The following SUSD6 variants were observed in gnomAD, a reference collection of about 807,000 sequenced individuals.
SUSD6 encodes the protein sushi domain containing 6, also known as sushi domain-containing protein 6.
Under a neutral mutation model 28.4 loss-of-function variants are expected in SUSD6, and 16 were observed. The observed-to-expected ratio is 0.56, with a 90% confidence interval of 0.38 to 0.86. The LOEUF (loss-of-function observed/expected upper bound fraction) is 0.86. Among genes scored for constraint, SUSD6 ranks in the 40% least tolerant of loss-of-function variants. SUSD6 has a pLI of 0.00. For synonymous variants in SUSD6, 147 were observed against 159.6 expected (o/e 0.92, Z 0.59); for missense variants, 341 against 384.2 (o/e 0.89, Z 0.94).
At position 69,656,693 on chromosome 14, in the gene SUSD6, C is replaced by CT. The variant is rs1885588263; in HGVS notation, c.-80-1819dup. On this transcript the variant is annotated intron_variant, in intron 1 of 5. Transcript: ENST00000342745. ...TTGTCTATCCTAATCCTTACATCAA[C>CT]TCTACGAAGTTAGTATGGTTACTAT... Among the ~76,000 whole-genome samples, 3 of 152,228 alleles carry CT rather than the reference C, an allele frequency of 2.0e-5. No individual in the cohort carries two copies. The South Asian group carries it at 6.2e-4, about 32-fold the overall frequency.
In SUSD6 at chr14:69,703,425, G is replaced by T; in HGVS notation, c.152G>T (p.Gly51Val). ...CCCCTACCACCGGAGCCAGAGAATGGTGGCTACATCTGCCACCCCCGGCCC... is the reference window on the plus strand; with the variant it reads ...CCCCTACCACCGGAGCCAGAGAATGTTGGCTACATCTGCCACCCCCGGCCC... ...VCPLPPEPEN[G>V]GYICHPRPCR... Residue 51 changes from glycine to valine, a missense_variant, in exon 3 of 6, where the codon GGT becomes GTT. Physicochemically the swap from Gly to Val is moderately radical, Grantham distance 109 (BLOSUM62 -3). Transcript: ENST00000342745. The T allele has an allele frequency of 6.2e-7, 1 of 1,614,074 alleles. No homozygotes were observed. Among genetic ancestry groups the T allele is most frequent in the Non-Finnish European group, 8.5e-7 (1 of 1,179,990 alleles).
At chr14:69,707,560 A>T (rs185160421) in intron 4 of SUSD6, among the ~76,000 whole-genome samples, 1 of 152,212 alleles carries the variant, frequency 6.6e-6, no homozygotes, top group Non-Finnish European at 1.5e-5. Context: ...GTTCAAGACC[A>T]GCCTGGGCAA....
rs1290573522 is a variant in SUSD6, at chr14:69,713,144, G to A, written c.*2165G>A. The A allele has an allele frequency of 6.6e-6, 1 of 152,112 alleles. No homozygotes were observed. Among genetic ancestry groups the A allele is most frequent in the Non-Finnish European group, 1.5e-5 (1 of 68,012 alleles). The allele number at this position is 152,112 out of a possible 1,614,324, so 9.4% of individuals were successfully genotyped here. On this transcript the variant is annotated 3_prime_UTR_variant, in exon 6 of 6. Coordinates refer to ENST00000342745, the MANE Select transcript of SUSD6 (RefSeq NM_014734.4). ...GGAAGATCTTACCTTTTTCTATCTT[G>A]TTACTCTGGGGTTTTGTCCCCCTAA...
chr14:69,703,885 T>G (rs1302992553), intron 3 of SUSD6: 1 of 485,520 alleles, frequency 2.1e-6, no homozygotes, highest in Non-Finnish European at 3.8e-6. Context: ...GACCATGTTC[T>G]GCCCTCACAG....
rs571828359 is a variant in SUSD6, at chr14:69,713,732, A to G, written c.*2753A>G. 6.6e-6 allele frequency: 1 copy of G among 152,136 alleles called. No homozygotes were observed. The allele number at this position is 152,136 out of a possible 1,614,324, so 9.4% of individuals were successfully genotyped here. ...GCCACAGCCCTGCTTTACCGGGCTC[A>G]CCTCTAGGGCATTCCAGCAAGAGGC... On this transcript the variant is annotated 3_prime_UTR_variant, in exon 6 of 6. Transcript: ENST00000342745.
At chr14:69,621,020 G>C (rs926093309) in intron 1 of SUSD6, among the ~76,000 whole-genome samples, 1 of 152,158 alleles carries the variant, frequency 6.6e-6, no homozygotes, top group African/African-American at 2.4e-5. Flanking sequence ...GCTGGGGACA[G>C]TAAAGGACCT....
At chr14:69,672,213 A>G (rs1211412503) in intron 2 of SUSD6, among the ~76,000 whole-genome samples, 1 of 152,204 alleles carries the variant, frequency 6.6e-6, no homozygotes, top group African/African-American at 2.4e-5. Flanking sequence ...CTTGAAGCCC[A>G]AACCTATGGA....
intron 1 of SUSD6, among the ~76,000 whole-genome samples, chr14:69,630,053 T>G (rs188634546): frequency 1.9e-3 from 285 of 152,354 alleles, no homozygotes; most frequent in Non-Finnish European, 8.4e-4. Context: ...TTCTTCAGTA[T>G]TACTAGGCAG....
intron 1 of SUSD6, among the ~76,000 whole-genome samples, chr14:69,645,194 A>C (rs963470458): frequency 2.6e-5 from 4 of 152,180 alleles, no homozygotes; most frequent in African/African-American, 9.7e-5. Context: ...TGGGGCTGTT[A>C]AGCTTCATTA....
intron 1 of SUSD6, among the ~76,000 whole-genome samples, chr14:69,652,691 T>G (rs996306800): frequency 2.0e-5 from 3 of 152,146 alleles, no homozygotes; most frequent in African/African-American, 7.2e-5. Flanking sequence ...CCTGGCTGTT[T>G]CCTGGCTGGC....
intron 2 of SUSD6, among the ~76,000 whole-genome samples, chr14:69,685,403 C>A (rs1886058797): frequency 6.6e-6 from 1 of 152,196 alleles, no homozygotes; most frequent in Non-Finnish European, 1.5e-5. Flanking sequence ...GCCCTGATTG[C>A]ACATTTGACA....
At chr14:69,653,523 C>T (rs1357824187) in intron 1 of SUSD6, among the ~76,000 whole-genome samples, 2 of 152,164 alleles carry the variant, frequency 1.3e-5, no homozygotes, top group Non-Finnish European at 2.9e-5. Context: ...GCCCTCTCCT[C>T]TGTCTCAGCT....
intron 1 of SUSD6, among the ~76,000 whole-genome samples, chr14:69,616,267 T>TG (rs1032209835): frequency 2.6e-5 from 4 of 152,336 alleles, no homozygotes; most frequent in African/African-American, 9.6e-5. Flanking sequence ...TCCCCTTTCT[T>TG]GCTACCCTTT....
rs546339602 is a variant in SUSD6, at chr14:69,701,444, C to T, written c.122-1951C>T. Among the ~76,000 whole-genome samples the T allele has an allele frequency of 2.8e-3, 419 of 152,206 alleles. 4 individuals carry two copies. The highest frequency in any genetic ancestry group is 4.0e-3 in the Non-Finnish European group (274 of 68,016). On this transcript the variant is annotated intron_variant, in intron 2 of 5. Coordinates refer to ENST00000342745, the MANE Select transcript of SUSD6 (RefSeq NM_014734.4). ...GCATTAATTATGCCACGGAAATGAA[C>T]CAATTAGACACAGTCCAAGGAGAGC...
At chr14:69,621,848 G>A (rs936283281) in intron 1 of SUSD6, among the ~76,000 whole-genome samples, 3 of 152,122 alleles carry the variant, frequency 2.0e-5, no homozygotes, top group African/African-American at 7.2e-5. Context: ...AAAGCACATC[G>A]TTGAAAGAAG....
chr14:69,626,206 G>C (rs1337315341), intron 1 of SUSD6, among the ~76,000 whole-genome samples: 1 of 152,214 alleles, frequency 6.6e-6, no homozygotes, highest in African/African-American at 2.4e-5. Flanking sequence ...GGCCAGAGCT[G>C]ATTAAGCCCC....
intron 1 of SUSD6, among the ~76,000 whole-genome samples, chr14:69,627,716 G>A (rs914088195): frequency 2.1e-4 from 32 of 152,056 alleles, no homozygotes; most frequent in Admixed American, 5.9e-4. Context: ...CGCCTGCCTC[G>A]GCCTCCCAAA....
At chr14:69,676,910 A>G (rs915200479) in intron 2 of SUSD6, among the ~76,000 whole-genome samples, 13 of 152,232 alleles carry the variant, frequency 8.5e-5, no homozygotes, top group Non-Finnish European at 1.8e-4. Context: ...TTGGTCAGTC[A>G]GCTGCTCCCG....
At position 69,655,609 on chromosome 14, in the gene SUSD6, C is replaced by T. The variant is rs116354798; in HGVS notation, c.-80-2904C>T. On this transcript the variant is annotated intron_variant, in intron 1 of 5. Transcript: ENST00000342745. ...GCCAGAAGTTTGAGAGCAGCCTGGG[C>T]GACATAGTGAGACATCCTCTCTCTT... 3.1e-3 allele frequency among the ~76,000 whole-genome samples: 464 copies of T among 150,832 alleles called. 2 individuals are homozygous for T. Among genetic ancestry groups the T allele is most frequent in the African/African-American group, 0.011 (431 of 40,988 alleles).
Sources: gnomAD v4.1 joint callset for allele counts (sites outside exome capture counted in the v4.1 genomes callset) on GRCh38, gnomAD v4.1.1 for gene constraint, MANE v1.5 for transcripts, NCBI Gene and HGNC (gene_info 2026-07-23, HGNC 2026-07-21) for gene names.